LRRC53: variants seen among roughly 807,000 people sequenced by gnomAD.
LRRC53 encodes leucine-rich repeat-containing protein 53.
A neutral mutation model predicts 13.6 loss-of-function variants in LRRC53; 25 were observed. The observed-to-expected ratio is 1.83, with a 90% CI of 1.34 to 2.56. The LOEUF (loss-of-function observed/expected upper bound fraction) is 2.56. Among genes scored for constraint, LRRC53 ranks in the 30% most tolerant of loss-of-function variants. LRRC53 has a pLI of 0.00. For synonymous variants in LRRC53, 204 were observed against 109.8 expected (o/e 1.86, Z -5.37); for missense variants, 527 against 275.8 (o/e 1.91, Z -6.45).
At chr1:74,512,973 C>A (rs1225533197), upstream of LRRC53, among the ~76,000 whole-genome samples, 1 of 152,210 alleles carries the variant, frequency 6.6e-6, no homozygotes, top group Non-Finnish European at 1.5e-5. Flanking sequence ...CTATAGACGA[C>A]TTTTGCCCTT....
chr1:74,534,532 C>T, the LRRC53 span, among the ~76,000 whole-genome samples: 1 of 152,102 alleles, frequency 6.6e-6, no homozygotes, highest in Non-Finnish European at 1.5e-5. Flanking sequence ...TAAATGGGGC[C>T]ATTTGGATTC....
intron 2 of LRRC53, among the ~76,000 whole-genome samples, chr1:74,481,466 G>A (rs746415558): frequency 2.6e-5 from 4 of 152,182 alleles, no homozygotes; most frequent in Non-Finnish European, 5.9e-5. Flanking sequence ...GTTGGGATGG[G>A]GAGAGTGAGA....
the LRRC53 span, among the ~76,000 whole-genome samples, chr1:74,534,851 C>T: frequency 6.6e-6 from 1 of 152,142 alleles, no homozygotes; most frequent in African/African-American, 2.4e-5. Context: ...ACAGTTTCCT[C>T]TGCTTCATCT....
upstream of LRRC53, among the ~76,000 whole-genome samples, chr1:74,516,696 G>T (rs1487603337): frequency 2.0e-5 from 3 of 152,136 alleles, no homozygotes; most frequent in East Asian, 5.8e-4. Flanking sequence ...CCACAGCTTG[G>T]TTGAGGATGG....
chr1:74,497,365 A>G (rs1476002387), intron 1 of LRRC53, among the ~76,000 whole-genome samples: 1 of 151,960 alleles, frequency 6.6e-6, no homozygotes, highest in Admixed American at 6.6e-5. Context: ...TCTTTTTTGT[A>G]CTAAAATTTT....
At chr1:74,534,506 T>C in the LRRC53 span, among the ~76,000 whole-genome samples, 2 of 152,236 alleles carry the variant, frequency 1.3e-5, no homozygotes, top group Middle Eastern at 6.8e-3. Context: ...CACAACACTG[T>C]CTGTTTTTAA....
At chr1:74,488,767 C>G (rs183569581) in intron 1 of LRRC53, among the ~76,000 whole-genome samples, 2 of 152,152 alleles carry the variant, frequency 1.3e-5, no homozygotes, top group East Asian at 1.9e-4. Context: ...CTGAGATGAT[C>G]TTTTCAAAAG....
At chr1:74,533,474 C>T in the LRRC53 span, among the ~76,000 whole-genome samples, 7 of 152,182 alleles carry the variant, frequency 4.6e-5, no homozygotes, top group African/African-American at 1.7e-4. Flanking sequence ...GGACTGTAAA[C>T]TAGTTCAACC....
the LRRC53 span, among the ~76,000 whole-genome samples, chr1:74,521,819 T>C: frequency 6.6e-6 from 1 of 152,172 alleles, no homozygotes; most frequent in Non-Finnish European, 1.5e-5. Context: ...TACTGAAATG[T>C]TAAGTGTTTT....
At chr1:74,489,927 G>A (rs1292385724) in intron 1 of LRRC53, among the ~76,000 whole-genome samples, 4 of 151,866 alleles carry the variant, frequency 2.6e-5, no homozygotes, top group Admixed American at 6.6e-5. Context: ...ATCACACATA[G>A]AGGATCATAT....
intron 1 of LRRC53, among the ~76,000 whole-genome samples, chr1:74,483,647 G>A (rs928363396): frequency 6.6e-6 from 1 of 152,144 alleles, no homozygotes; most frequent in African/African-American, 2.4e-5. Context: ...GCAAAACAAT[G>A]TATAGTTTGT....
intron 1 of LRRC53, among the ~76,000 whole-genome samples, chr1:74,488,523 G>A (rs1180263559): frequency 6.6e-6 from 1 of 152,134 alleles, no homozygotes; most frequent in South Asian, 2.1e-4. Flanking sequence ...CTCAGAAGAG[G>A]CCAACATTTT....
At chr1:74,503,996 T>C (rs1669764308) in intron 1 of LRRC53, among the ~76,000 whole-genome samples, 1 of 152,212 alleles carries the variant, frequency 6.6e-6, no homozygotes, top group Admixed American at 6.5e-5. Flanking sequence ...ACTATCTCCA[T>C]GAAGATCCAA....
At position 74,475,655 on chromosome 1, in the gene LRRC53, A is replaced by C. The variant is rs1668167831; in HGVS notation, c.1060T>G (p.Cys354Gly). ...EARNYHTKGY[C>G]NCHLTQENEI... ...TTTTCCTGAGTTAAGTGGCAGTTGC[A>C]GTATCCCTTAGTGTGGTAATTTCTT... Residue 354 changes from cysteine (C) to glycine (G), a missense_variant, in exon 4 of 5, where the codon TGC becomes GGC. Coordinates refer to ENST00000294635, the MANE Select transcript of LRRC53 (RefSeq NM_001382280.1). 2.8e-6 allele frequency: 2 copies of C among 716,928 alleles called. No individual in the cohort carries two copies. The highest frequency in any genetic ancestry group is 5.2e-6 in the Non-Finnish European group (2 of 384,850). The allele number at this position is 716,928 out of a possible 1,614,324, so 44.4% of individuals were successfully genotyped here.
chr1:74,491,277 T>C (rs1669059947), intron 1 of LRRC53, among the ~76,000 whole-genome samples: 2 of 152,236 alleles, frequency 1.3e-5, no homozygotes, highest in Non-Finnish European at 2.9e-5. Flanking sequence ...TGGAGTGCAG[T>C]GGCGCAATCT....
chr1:74,482,148 G>A (rs1165194783), intron 2 of LRRC53, among the ~76,000 whole-genome samples: 1 of 152,132 alleles, frequency 6.6e-6, no homozygotes, highest in East Asian at 1.9e-4. Flanking sequence ...AAGGAGGTTT[G>A]TTTTCATGGG....
intron 4 of LRRC53, among the ~76,000 whole-genome samples, chr1:74,473,739 G>A (rs113641585): frequency 1.2e-3 from 179 of 152,134 alleles, no homozygotes; most frequent in African/African-American, 4.1e-3. Context: ...CTGCTTGTTC[G>A]CTGTGTATTG....
At chr1:74,480,125 G>C in intron 3 of LRRC53, 28 bp downstream of exon 3, 1 of 696,230 alleles carries the variant, frequency 1.4e-6, no homozygotes, top group Non-Finnish European at 2.7e-6. Flanking sequence ...GAAGAGAAAA[G>C]AGGAGGGCAC....
intron 1 of LRRC53, among the ~76,000 whole-genome samples, chr1:74,510,340 A>G (rs1020712139): frequency 1.3e-5 from 2 of 152,032 alleles, no homozygotes; most frequent in African/African-American, 4.8e-5. Context: ...CCCCGTCTCT[A>G]CTAAAAATAC....
Sources: gnomAD v4.1 joint callset for allele counts (sites outside exome capture counted in the v4.1 genomes callset) on GRCh38, gnomAD v4.1.1 for gene constraint, MANE v1.5 for transcripts, NCBI Gene and HGNC (gene_info 2026-07-23, HGNC 2026-07-21) for gene names.